Variants in TBC1D5 observed in about 807,000 individuals in gnomAD.
The protein encoded by TBC1D5 is TBC1 domain family, member 5.
In TBC1D5, 75 loss-of-function variants were observed where a neutral mutation model predicts 100.3. The ratio of observed to expected loss-of-function variants is 0.75; its 90% CI spans 0.62 to 0.91. The LOEUF is 0.91. TBC1D5 is among the 40% of genes least tolerant of loss of function. The probability of loss-of-function intolerance (pLI) is 0.00; values close to 1 mark genes in which losing one functional copy is unlikely to be tolerated. For missense variants in TBC1D5, 910 were observed against 942.4 expected (o/e 0.97, Z 0.45); for synonymous variants, 323 against 325.6 (o/e 0.99, Z 0.09).
chr3:17,363,002 G>GC (rs1240423111), intron 13 of TBC1D5, among the ~76,000 whole-genome samples: 2 of 151,912 alleles, frequency 1.3e-5, no homozygotes, highest in African/African-American at 4.8e-5. Flanking sequence ...TGTTAGTCTT[G>GC]CTAGTGTCTG....
rs769184256 is a variant in TBC1D5 at position 17,214,338 on chromosome 3, T to C, written c.1621A>G (p.Ser541Gly). The C allele has an allele frequency of 5.6e-6, 9 of 1,613,218 alleles. No homozygotes were observed. In the South Asian group the frequency reaches 7.7e-5, roughly 14 times the overall value. ...CTTCCTCCAGGCAAACTCTCAACGC[T>C]TGGAGATGAACTGATGTTTTTAGAA... Residue 541 changes from serine (S) to glycine (G), a missense_variant, in exon 18 of 22, where the codon AGC becomes GGC. Coordinates refer to ENST00000253692, the Ensembl canonical transcript of TBC1D5.
Position 17,186,182 on chromosome 3 carries a change from C to T in TBC1D5, c.1753-974G>A, listed in dbSNP as rs28721304. ...AGTCTTAGATCTACTTGTCCTTTTGCATAAGAATCCTCTGTATCACTAAAA... is the reference window on the plus strand; with the variant it reads ...AGTCTTAGATCTACTTGTCCTTTTGTATAAGAATCCTCTGTATCACTAAAA... On this transcript the variant is annotated intron_variant, in intron 18 of 21. Coordinates refer to ENST00000253692, the Ensembl canonical transcript of TBC1D5. Among the ~76,000 whole-genome samples, 845 of 151,278 alleles carry T rather than the reference C, an allele frequency of 5.6e-3. 11 individuals are homozygous for T. Among genetic ancestry groups the T allele is most frequent in the African/African-American group, 0.016 (679 of 41,244 alleles).
intron 2 of TBC1D5, among the ~76,000 whole-genome samples, chr3:17,517,874 GA>G (rs978902137): frequency 1.4e-4 from 21 of 151,620 alleles, no homozygotes; most frequent in Admixed American, 2.6e-4. Context: ...TGACACTATG[GA>G]AAAAAAATTA....
chr3:17,463,409 T>C (rs1255099470), intron 3 of TBC1D5, among the ~76,000 whole-genome samples: 2 of 152,266 alleles, frequency 1.3e-5, no homozygotes, highest in African/African-American at 4.8e-5. Flanking sequence ...TGTTTCTGGC[T>C]TCTCTGGTCA....
intron 16 of TBC1D5, among the ~76,000 whole-genome samples, chr3:17,254,321 C>T (rs1397627385): frequency 6.6e-6 from 1 of 152,222 alleles, no homozygotes; most frequent in Admixed American, 6.5e-5. Flanking sequence ...ACCTTTTCTG[C>T]TCACATCAGG....
intron 1 of TBC1D5, among the ~76,000 whole-genome samples, chr3:17,700,569 C>G (rs556992584): frequency 1.3e-5 from 2 of 152,092 alleles, no homozygotes; most frequent in South Asian, 2.1e-4. Context: ...AAAATTTTTG[C>G]AATCTACTCA....
chr3:17,695,239 C>T (rs1412576790), intron 1 of TBC1D5, among the ~76,000 whole-genome samples: 2 of 152,168 alleles, frequency 1.3e-5, no homozygotes, highest in Non-Finnish European at 2.9e-5. Context: ...CAAATTCACA[C>T]ATAACAATAT....
intron 15 of TBC1D5, among the ~76,000 whole-genome samples, chr3:17,287,289 G>A (rs904607818): frequency 1.3e-5 from 2 of 152,180 alleles, no homozygotes; most frequent in African/African-American, 4.8e-5. Flanking sequence ...TTTATACCAA[G>A]ATATGCAGGA....
intron 2 of TBC1D5, among the ~76,000 whole-genome samples, chr3:17,517,439 C>T (rs1015565299): frequency 1.3e-5 from 2 of 152,098 alleles, no homozygotes; most frequent in Admixed American, 1.3e-4. Flanking sequence ...GTTATTGTTA[C>T]ACAATATGCA....
At chr3:17,438,155 T>C (rs1205728533) in intron 3 of TBC1D5, among the ~76,000 whole-genome samples, 1 of 152,008 alleles carries the variant, frequency 6.6e-6, no homozygotes, top group Non-Finnish European at 1.5e-5. Flanking sequence ...CGAGAAAGAG[T>C]TGCATTGCTA....
chr3:17,371,747 T>C (rs2092469986), intron 13 of TBC1D5, among the ~76,000 whole-genome samples: 1 of 152,160 alleles, frequency 6.6e-6, no homozygotes, highest in African/African-American at 2.4e-5. Context: ...TATAATTAGA[T>C]GTAGTTGAAA....
At chr3:17,311,734 T>C (rs1211629526) in intron 13 of TBC1D5, among the ~76,000 whole-genome samples, 1 of 152,058 alleles carries the variant, frequency 6.6e-6, no homozygotes, top group African/African-American at 2.4e-5. Flanking sequence ...TAGTGAGATA[T>C]GGGCATAGTA....
intron 3 of TBC1D5, among the ~76,000 whole-genome samples, chr3:17,496,087 C>T (rs910788874): frequency 6.6e-6 from 1 of 152,176 alleles, no homozygotes; most frequent in Non-Finnish European, 1.5e-5. Context: ...AACAGCTCTA[C>T]CACAAAATCA....
intron 8 of TBC1D5, among the ~76,000 whole-genome samples, chr3:17,390,519 A>G (rs2093320755): frequency 6.6e-6 from 1 of 152,142 alleles, no homozygotes; most frequent in Non-Finnish European, 1.5e-5. Flanking sequence ...GCAAGTATTC[A>G]ATAAGATGCC....
chr3:17,506,659 T>C (rs1354504105), intron 3 of TBC1D5, among the ~76,000 whole-genome samples: 1 of 152,102 alleles, frequency 6.6e-6, no homozygotes, highest in Non-Finnish European at 1.5e-5. Context: ...TAGTATGTCA[T>C]AGAAATGTTA....
intron 2 of TBC1D5, among the ~76,000 whole-genome samples, chr3:17,526,505 T>C (rs1055789195): frequency 6.6e-6 from 1 of 152,174 alleles, no homozygotes; most frequent in Non-Finnish European, 1.5e-5. Flanking sequence ...TCTACTACTA[T>C]TGACACTGGT....
At chr3:17,176,220 G>T (rs746792834) in intron 19 of TBC1D5, among the ~76,000 whole-genome samples, 2 of 152,188 alleles carry the variant, frequency 1.3e-5, no homozygotes, top group African/African-American at 4.8e-5. Context: ...CTCTCAACTT[G>T]CAGACTTAGT....
rs576862436 is a variant in TBC1D5, at chr3:17,508,812, C to A, written c.-35-207G>T. 9.9e-5 allele frequency among the ~76,000 whole-genome samples: 15 copies of A among 152,200 alleles called. No homozygotes were observed. In the East Asian group the frequency reaches 1.9e-3, roughly 20 times the overall value. On this transcript the variant is annotated intron_variant, in intron 2 of 21. Coordinates refer to ENST00000253692, the Ensembl canonical transcript of TBC1D5. ...TCCATTTCAAAAATTTCTCAAAAATCTGAGCATCATTTATAATCTTTATCT... is the reference window on the plus strand; with the variant it reads ...TCCATTTCAAAAATTTCTCAAAAATATGAGCATCATTTATAATCTTTATCT...
intron 13 of TBC1D5, among the ~76,000 whole-genome samples, chr3:17,332,680 G>C (rs2087038069): frequency 6.6e-6 from 1 of 151,924 alleles, no homozygotes; most frequent in African/African-American, 2.4e-5. Context: ...GGGAAAATTA[G>C]AAGGGGGGTA....
Sources: gnomAD v4.1 joint callset for allele counts (sites outside exome capture counted in the v4.1 genomes callset) on GRCh38, gnomAD v4.1.1 for gene constraint, MANE v1.5 for transcripts, NCBI Gene and HGNC (gene_info 2026-07-23, HGNC 2026-07-21) for gene names.